The following ABHD16A variants were observed in gnomAD, a reference collection of about 807,000 sequenced individuals.
The protein encoded by ABHD16A is abhydrolase domain containing 16A, phospholipase.
Under a neutral mutation model 89.8 loss-of-function variants are expected in ABHD16A, and 47 were observed. The ratio of observed to expected loss-of-function variants is 0.52; its 90% CI spans 0.41 to 0.67. The LOEUF is 0.67. Ranked by LOEUF, ABHD16A falls within the 30% of genes least tolerant of loss-of-function variation. The pLI is 0.00. For synonymous variants in ABHD16A, 251 were observed against 280.4 expected, an observed-to-expected ratio of 0.90 and a Z score of 1.05; for missense variants, 580 against 734.6, an observed-to-expected ratio of 0.79 and a Z score of 2.43.
At chr6:31,697,385 C>T (rs898168537) in intron 4 of ABHD16A, among the ~76,000 whole-genome samples, 1 of 152,154 alleles carries the variant, frequency 6.6e-6, no homozygotes, top group East Asian at 1.9e-4. Context: ...TTCTCCCTTG[C>T]GAATATCAAA....
chr6:31,688,605 G>T lies in ABHD16A; in HGVS notation c.1250+118C>A. The T allele has an allele frequency of 8.2e-7, 1 of 1,217,804 alleles. No individual in the cohort carries two copies. Among genetic ancestry groups the T allele is most frequent in the Non-Finnish European group, 1.2e-6 (1 of 854,556 alleles). The allele number at this position is 1,217,804 out of a possible 1,614,324, so 75.4% of individuals were successfully genotyped here. ...GTTGAGGTGGTGGCAGGGTCACTCA[G>T]GATGTGAGCCAGTGGCCTTTTACCA... On this transcript the variant is annotated intron_variant, in intron 14 of 19. Coordinates refer to ENST00000395952, the MANE Select transcript of ABHD16A (RefSeq NM_021160.3). This position sits in a 1 kb window ranked among gnomAD's most constrained non-coding sequence, Gnocchi z 4.9.
Position 31,703,215 on chromosome 6 carries a change from C to A in ABHD16A, c.67G>T (p.Glu23Ter). The change falls in exon 1 of 20, where the codon GAA becomes TAA. Residue 23 changes from glutamate to a stop codon, truncating the protein, a stop_gained. Coordinates refer to ENST00000395952, the MANE Select transcript of ABHD16A (RefSeq NM_021160.3). LOFTEE classifies it high-confidence loss of function. ...TCAGGGACGCTGGCCGGGGCCCTTT[C>A]AGAGTCCCTCTCCCGGTAGATTTTG... ...LYKIYRERDS[E>*]RAPASVPETP... The A allele has an allele frequency of 6.9e-7, 1 of 1,445,440 alleles. No individual in the cohort carries two copies. The highest frequency in any genetic ancestry group is 9.2e-7 in the Non-Finnish European group (1 of 1,089,878). The allele number at this position is 1,445,440 out of a possible 1,614,324, so 89.5% of individuals were successfully genotyped here. A position where few individuals can be genotyped will look rare whatever the true frequency, so the allele number is the denominator to read the frequency against.
At position 31,687,552 on chromosome 6, in the gene ABHD16A, G is replaced by A; in HGVS notation, c.1547-8C>T. On this transcript the variant is annotated splice_region_variant and splice_polypyrimidine_tract_variant and intron_variant, in intron 18 of 19. Coordinates refer to ENST00000395952, the MANE Select transcript of ABHD16A (RefSeq NM_021160.3). The surrounding 1 kb of genome is among the most constrained non-coding windows in gnomAD (Gnocchi z 6.3). ...CTGCACTCATGTCCTCCCCTGCAGA[G>A]AGGAGGCGCTCAAAATAGGCCACAC... 1 of 1,613,022 alleles carries A rather than the reference G, an allele frequency of 6.2e-7. No individual in the cohort carries two copies. The highest frequency in any genetic ancestry group is 8.5e-7 in the Non-Finnish European group (1 of 1,179,994).
chr6:31,699,598 A>T (rs1562118239), intron 4 of ABHD16A, among the ~76,000 whole-genome samples: 1 of 152,022 alleles, frequency 6.6e-6, no homozygotes, highest in South Asian at 2.1e-4. Context: ...CTGGAGACAG[A>T]GTCTCGCTCT....
Position 31,688,370 on chromosome 6 carries a change from CT to C in ABHD16A, c.1251-66del, listed in dbSNP as rs1803515442. The C allele has an allele frequency of 5.4e-5, 81 of 1,498,254 alleles. No individual in the cohort carries two copies. In the South Asian group the frequency reaches 7.3e-4, roughly 14 times the overall value. 92.8% of individuals were successfully genotyped at this position (1,498,254 alleles called of 1,614,324 possible). A position where few individuals can be genotyped will look rare whatever the true frequency, so the allele number is the denominator to read the frequency against. On this transcript the variant is annotated intron_variant, in intron 14 of 19. Transcript: ENST00000395952. The surrounding 1 kb of genome is among the most constrained non-coding windows in gnomAD (Gnocchi z 4.9). Reference sequence around the variant, plus strand: ...GAGACGGGTGACAACTGGCCCACCCCTATCCCTGCACTGGTAGCATTCTTAC... The same window carrying C: ...GAGACGGGTGACAACTGGCCCACCCCATCCCTGCACTGGTAGCATTCTTAC...
At chr6:31,701,156 C>T in intron 3 of ABHD16A, 118 bp downstream of exon 3, 3 of 1,327,650 alleles carry the variant, frequency 2.3e-6, no homozygotes, top group Non-Finnish European at 2.2e-6. Flanking sequence ...GAAGAAGATG[C>T]CTGATGGAAG....
Position 31,693,091 on chromosome 6 carries a change from G to A in ABHD16A, c.562C>T (p.Leu188=), listed in dbSNP as rs201684943. The A allele has an allele frequency of 1.9e-6, 3 of 1,614,186 alleles. No homozygotes were observed. The highest frequency in any genetic ancestry group is 2.5e-6 in the Non-Finnish European group (3 of 1,180,034). ...AGGGTGTCTGCTGTCCCCCGGTGCA[G>A]GGGCTCTGGGCGAAGCAGGGCCACA... The part of the protein sequence containing the change: ...RGVALLRPEP[L]HRGTADTLLN... The change falls in exon 7 of 20, where the codon CTG becomes TTG. Residue 188 remains leucine (L), a synonymous_variant. Coordinates refer to ENST00000395952, the MANE Select transcript of ABHD16A (RefSeq NM_021160.3). This position sits in a 1 kb window ranked among gnomAD's most constrained non-coding sequence, Gnocchi z 5.0.
chr6:31,689,987 A>C, intron 11 of ABHD16A, 91 bp downstream of exon 11: 1 of 1,415,224 alleles, frequency 7.1e-7, no homozygotes, highest in Non-Finnish European at 9.5e-7. Context: ...CGCCTTCAAG[A>C]AATCCACAGC....
intron 2 of ABHD16A, 114 bp from the exon 3 acceptor site, chr6:31,701,454 A>C: frequency 2.3e-6 from 2 of 860,372 alleles, no homozygotes; most frequent in Non-Finnish European, 3.8e-6. Flanking sequence ...ATATCATATC[A>C]TATTTGGTGT....
chr6:31,695,811 G>A (rs1018053419), intron 5 of ABHD16A, among the ~76,000 whole-genome samples: 23 of 151,996 alleles, frequency 1.5e-4, no homozygotes, highest in African/African-American at 4.8e-4. Context: ...CAGGCAGATC[G>A]TCTGCAGTCA....
Position 31,688,112 on chromosome 6 carries a change from G to A in ABHD16A, c.1308-9C>T, listed in dbSNP as rs2151221158. 6 of 1,611,120 alleles carry A rather than the reference G, an allele frequency of 3.7e-6. No individual in the cohort carries two copies. Among genetic ancestry groups the A allele is most frequent in the Non-Finnish European group, 4.2e-6 (5 of 1,178,140 alleles). On this transcript the variant is annotated splice_polypyrimidine_tract_variant and intron_variant, in intron 15 of 19. Transcript: ENST00000395952. This position sits in a 1 kb window ranked among gnomAD's most constrained non-coding sequence, Gnocchi z 4.9. Reference sequence around the variant, plus strand: ...TGATGTCCTCAGGAACCCTGGGGGTGAGAAGAATGTACCCTGGAGGGGCTG... The same window carrying A: ...TGATGTCCTCAGGAACCCTGGGGGTAAGAAGAATGTACCCTGGAGGGGCTG...
At position 31,691,931 on chromosome 6, in the gene ABHD16A, C is replaced by A; in HGVS notation, c.627-13G>T. 1 of 1,590,334 alleles carries A rather than the reference C, an allele frequency of 6.3e-7. No homozygotes were observed. On this transcript the variant is annotated splice_polypyrimidine_tract_variant and intron_variant, in intron 7 of 19. Transcript: ENST00000395952. ...CGCCACCAGGTAGCTGTGGGGAACA[C>A]AGGTTAACAAACCCCAACCCTGTTG...
chr6:31,700,910 T>A (rs1583723788), intron 4 of ABHD16A, 32 bp downstream of exon 4: 2 of 1,567,882 alleles, frequency 1.3e-6, no homozygotes, highest in East Asian at 2.2e-5. Context: ...CAGTGACAGA[T>A]AAGATTCAAA....
chr6:31,688,892 GTCC>G lies in ABHD16A; in HGVS notation c.1187-109_1187-107del. On this transcript the variant is annotated intron_variant, in intron 13 of 19. Transcript: ENST00000395952. The surrounding 1 kb of genome is among the most constrained non-coding windows in gnomAD (Gnocchi z 4.9). ...AAAACTGAGGCCCCCAGACAAAGGAGTCCTCCTGCTTCCAACAATGGGGCGACT... is the reference window on the plus strand; with the variant it reads ...AAAACTGAGGCCCCCAGACAAAGGAGTCCTGCTTCCAACAATGGGGCGACT... 7.0e-7 allele frequency: 1 copy of G among 1,429,972 alleles called. No individual in the cohort carries two copies. The highest frequency in any genetic ancestry group is 9.6e-7 in the Non-Finnish European group (1 of 1,036,780). 88.6% of individuals were successfully genotyped at this position (1,429,972 alleles called of 1,614,324 possible).
rs2151235399 is a variant in ABHD16A at position 31,693,017 on chromosome 6, T to C, written c.626+10A>G. The stretch of plus-strand genomic sequence containing the variant: ...ACCCCAGTGGGCCTCTCCTCGCTGC[T>C]GTTTCCCACCTGGTGATCTGACAAG... On this transcript the variant is annotated intron_variant, in intron 7 of 19. Coordinates refer to ENST00000395952, the MANE Select transcript of ABHD16A (RefSeq NM_021160.3). The surrounding 1 kb of genome is among the most constrained non-coding windows in gnomAD (Gnocchi z 5.0). 1 of 1,614,206 alleles carries C rather than the reference T, an allele frequency of 6.2e-7. No homozygotes were observed. The highest frequency in any genetic ancestry group is 1.3e-5 in the African/African-American group (1 of 75,056).
In ABHD16A at chr6:31,687,637, C is replaced by T; in HGVS notation, c.1546+5G>A. 1.2e-6 allele frequency: 2 copies of T among 1,612,924 alleles called. No individual in the cohort carries two copies. The highest frequency in any genetic ancestry group is 1.1e-5 in the South Asian group (1 of 91,084). On this transcript the variant is annotated splice_donor_5th_base_variant and intron_variant, in intron 18 of 19. Coordinates refer to ENST00000395952, the MANE Select transcript of ABHD16A (RefSeq NM_021160.3). This position sits in a 1 kb window ranked among gnomAD's most constrained non-coding sequence, Gnocchi z 6.3. ...ACCCTCTCTCCTGCCCCAGGAGCTC[C>T]TTACCCACGCTCCAGGGGAAGTCGG... is the stretch of plus-strand genomic sequence containing the variant.
rs1803352240 is a variant in ABHD16A, at chr6:31,686,985, T to C, written c.*227A>G. 5.5e-6 allele frequency: 3 copies of C among 548,474 alleles called. No homozygotes were observed. The Admixed American group carries it at 1.0e-4, about 19-fold the overall frequency. The allele number at this position is 548,474 out of a possible 1,614,324, so 34.0% of individuals were successfully genotyped here. On this transcript the variant is annotated 3_prime_UTR_variant, in exon 20 of 20. Transcript: ENST00000395952. This position sits in a 1 kb window ranked among gnomAD's most constrained non-coding sequence, Gnocchi z 4.3. ...GTAGAAAAAATACCTTTTTATTAATTATTAGGAATAATCCATTCATGTAAT... is the reference window on the plus strand; with the variant it reads ...GTAGAAAAAATACCTTTTTATTAATCATTAGGAATAATCCATTCATGTAAT...
chr6:31,698,719 G>A lies in ABHD16A; in HGVS notation c.344-1686C>T, dbSNP rs1332984802. On this transcript the variant is annotated intron_variant, in intron 4 of 19. Coordinates refer to ENST00000395952, the MANE Select transcript of ABHD16A (RefSeq NM_021160.3). This position sits in a 1 kb window ranked among gnomAD's most constrained non-coding sequence, Gnocchi z 4.1. ...AAAACTAAGACAAAACTGAGCAGTG[G>A]GAGCTACTTTTAGACAGGGTGGTCA... Among the ~76,000 whole-genome samples, 1 of 152,014 alleles carries A rather than the reference G, an allele frequency of 6.6e-6. No individual in the cohort carries two copies. Among genetic ancestry groups the A allele is most frequent in the Non-Finnish European group, 1.5e-5 (1 of 67,986 alleles).
intron 1 of ABHD16A, chr6:31,702,531 G>A: frequency 8.1e-7 from 1 of 1,235,084 alleles, no homozygotes; most frequent in South Asian, 1.8e-5. Context: ...AGAGAATGTG[G>A]GTAGGAGCGG....
Sources: gnomAD v4.1 joint callset for allele counts (sites outside exome capture counted in the v4.1 genomes callset) on GRCh38, gnomAD v4.1.1 for gene constraint, Gnocchi (gnomAD v3.1) non-coding constraint, MANE v1.5 for transcripts, NCBI Gene and HGNC (gene_info 2026-07-23, HGNC 2026-07-21) for gene names.